CNTN4: variants seen among roughly 807,000 people sequenced by gnomAD.
The protein encoded by CNTN4 is contactin-4.
Under a neutral mutation model 122.5 loss-of-function variants are expected in CNTN4, and 77 were observed. That is an observed-to-expected ratio of 0.63 (90% CI 0.52 to 0.76). CNTN4 has a LOEUF of 0.76. CNTN4 is among the 30% of genes least tolerant of loss of function. The pLI is 0.00. For synonymous variants in CNTN4, 512 were observed against 447.0 expected, an observed-to-expected ratio of 1.15 and a Z score of -1.83; for missense variants, 1,256 against 1,259.1, an observed-to-expected ratio of 1.00 and a Z score of 0.04.
intron 6 of CNTN4, among the ~76,000 whole-genome samples, chr3:2,798,046 A>C (rs1281174084): frequency 7.7e-6 from 1 of 129,800 alleles, no homozygotes; most frequent in East Asian, 2.4e-4. Context: ...CATTGTACCC[A>C]TTAAGTATTT....
intron 4 of CNTN4, among the ~76,000 whole-genome samples, chr3:2,688,528 G>A (rs867244583): frequency 8.5e-5 from 13 of 152,210 alleles, no homozygotes; most frequent in African/African-American, 2.9e-4. Flanking sequence ...GTGGTAGAAG[G>A]ACAGGGATAT....
intron 4 of CNTN4, among the ~76,000 whole-genome samples, chr3:2,576,034 A>C (rs1038783771): frequency 9.2e-5 from 14 of 151,964 alleles, no homozygotes; most frequent in East Asian, 1.9e-4. Flanking sequence ...ACGGGGTTTC[A>C]CCATGTTAGC....
chr3:2,197,930 G>A (rs1340433041), intron 2 of CNTN4, among the ~76,000 whole-genome samples: 4 of 151,522 alleles, frequency 2.6e-5, no homozygotes, highest in South Asian at 2.1e-4. Context: ...CAGGAGAATC[G>A]CTTGAACCCA....
intron 3 of CNTN4, among the ~76,000 whole-genome samples, chr3:2,437,273 T>C (rs11707598): frequency 0.24 from 35,911 of 152,040 alleles, 5,471 homozygotes; most frequent in Non-Finnish European, 0.35. Context: ...TTCCCTCTCT[T>C]GGAATGCTTT....
chr3:2,738,734 C>T (rs1026770787), intron 5 of CNTN4, among the ~76,000 whole-genome samples: 4 of 151,994 alleles, frequency 2.6e-5, no homozygotes, highest in African/African-American at 9.7e-5. Context: ...AATTGGAACC[C>T]TACTGCGCAG....
At chr3:2,551,017 A>G (rs938996580) in intron 3 of CNTN4, among the ~76,000 whole-genome samples, 4 of 152,160 alleles carry the variant, frequency 2.6e-5, no homozygotes, top group Admixed American at 2.0e-4. Flanking sequence ...CAGGTTGATG[A>G]GTGCAGCAAA....
intron 13 of CNTN4, among the ~76,000 whole-genome samples, chr3:2,981,868 A>G (rs1694054363): frequency 6.6e-6 from 1 of 152,082 alleles, no homozygotes; most frequent in African/African-American, 2.4e-5. Flanking sequence ...TACATGGTGA[A>G]ACCCCATCTC....
chr3:2,644,912 C>T (rs193224916), intron 4 of CNTN4, among the ~76,000 whole-genome samples: 17 of 150,484 alleles, frequency 1.1e-4, no homozygotes, highest in African/African-American at 3.9e-4. Context: ...GTTCCCAAGA[C>T]ACAGGCTTCA....
chr3:2,580,945 C>T (rs957316660), intron 4 of CNTN4, among the ~76,000 whole-genome samples: 4 of 152,142 alleles, frequency 2.6e-5, no homozygotes, highest in Admixed American at 2.6e-4. Flanking sequence ...AGGTCCAAAG[C>T]CTGGGCTTTT....
At chr3:2,256,403 A>G (rs892877245) in intron 2 of CNTN4, among the ~76,000 whole-genome samples, 1 of 152,180 alleles carries the variant, frequency 6.6e-6, no homozygotes, top group Non-Finnish European at 1.5e-5. Context: ...ACTATTCCAA[A>G]CAATAGAAAA....
intron 4 of CNTN4, among the ~76,000 whole-genome samples, chr3:2,704,466 T>C (rs999819146): frequency 4.6e-5 from 7 of 151,944 alleles, no homozygotes; most frequent in African/African-American, 1.7e-4. Flanking sequence ...CAAAAATGAT[T>C]TCCAATGGCA....
chr3:2,992,228 T>C (rs1286713208), intron 14 of CNTN4, among the ~76,000 whole-genome samples: 1 of 152,206 alleles, frequency 6.6e-6, no homozygotes, highest in Admixed American at 6.5e-5. Flanking sequence ...AACTGCAGAA[T>C]TCTGACAGGT....
intron 3 of CNTN4, among the ~76,000 whole-genome samples, chr3:2,427,781 G>A (rs969967797): frequency 6.6e-6 from 1 of 151,910 alleles, no homozygotes; most frequent in African/African-American, 2.4e-5. Context: ...ATATATTTAG[G>A]ATAGTTAGCT....
chr3:3,040,102 T>G lies in CNTN4; in HGVS notation c.2229T>G (p.Gly743=), dbSNP rs778287174. The G allele has an allele frequency of 6.2e-7, 1 of 1,614,178 alleles. No individual in the cohort carries two copies. ...FGYVVAFRPY[G]KMIWMLTVLA... is the part of the protein sequence containing the mutation. ...ATGTGGTGGCCTTCCGGCCCTACGG[T>G]AAAATGATCTGGATGCTGACAGTGC... Residue 743 remains glycine (G), a synonymous_variant, in exon 20 of 25, where the codon GGT becomes GGG. Transcript: ENST00000418658.
At chr3:2,396,656 G>GGTTTTT (rs1553640284) in intron 3 of CNTN4, among the ~76,000 whole-genome samples, 1 of 145,106 alleles carries the variant, frequency 6.9e-6, no homozygotes, top group Non-Finnish European at 1.5e-5. Context: ...TTATGTCTGG[G>GGTTTTT]TTTTTTTTTT....
intron 2 of CNTN4, among the ~76,000 whole-genome samples, chr3:2,116,478 C>T (rs888044180): frequency 7.2e-5 from 11 of 152,084 alleles, no homozygotes; most frequent in East Asian, 1.9e-4. Context: ...TAGGTAATAC[C>T]GAATCAGAGT....
intron 2 of CNTN4, among the ~76,000 whole-genome samples, chr3:2,222,970 G>A (rs946861728): frequency 2.7e-4 from 41 of 152,126 alleles, no homozygotes; most frequent in African/African-American, 7.2e-4. Context: ...AGCCCACCAC[G>A]ATGACTTAAG....
chr3:2,362,615 A>G, intron 3 of CNTN4: 1 of 486,576 alleles, frequency 2.1e-6, no homozygotes, highest in South Asian at 1.6e-5. Context: ...GTAAGAAGAT[A>G]GCAAGGGCTG....
intron 23 of CNTN4, among the ~76,000 whole-genome samples, chr3:3,044,548 G>A (rs929985508): frequency 1.3e-5 from 2 of 152,158 alleles, no homozygotes; most frequent in African/African-American, 4.8e-5. Flanking sequence ...CAGAGTAGTC[G>A]GATTTCTTAC....
Sources: allele counts gnomAD v4.1 joint callset (sites outside exome capture counted in the v4.1 genomes callset), GRCh38; gene constraint gnomAD v4.1.1; transcripts MANE v1.5; gene names NCBI Gene and HGNC (gene_info 2026-07-23, HGNC 2026-07-21).